WDR72: variants seen among roughly 807,000 people sequenced by gnomAD.
WDR72 encodes the protein WD repeat-containing protein 72.
In WDR72, 120 loss-of-function variants were observed where a neutral mutation model predicts 124.2. The observed-to-expected ratio is 0.97, with a 90% CI of 0.83 to 1.12. WDR72 has a LOEUF of 1.12. WDR72 is among the 50% of genes most tolerant of loss of function. WDR72 has a pLI of 0.00. For missense variants in WDR72, 1,387 were observed against 1,278.8 expected (o/e 1.08, Z -1.29); for synonymous variants, 452 against 441.7 (o/e 1.02, Z -0.29).
intron 18 of WDR72, among the ~76,000 whole-genome samples, chr15:53,538,145 G>A (rs1892860777): frequency 6.6e-6 from 1 of 152,110 alleles, no homozygotes; most frequent in Non-Finnish European, 1.5e-5. Context: ...TGGAAATGAT[G>A]ATATGGTGAT....
chr15:53,691,036 C>T (rs1339787859), intron 13 of WDR72, among the ~76,000 whole-genome samples: 1 of 152,000 alleles, frequency 6.6e-6, no homozygotes, highest in Non-Finnish European at 1.5e-5. Context: ...CTTTGATTTG[C>T]ATTTCCCTGA....
chr15:53,567,058 G>A (rs1894325749), intron 18 of WDR72, among the ~76,000 whole-genome samples: 2 of 152,028 alleles, frequency 1.3e-5, no homozygotes, highest in East Asian at 3.9e-4. Context: ...TGATTCCTGT[G>A]TACCTGACAT....
In WDR72 at chr15:53,543,081, T is replaced by C. The variant is rs868593976; in HGVS notation, c.3149-19759A>G. 2.8e-5 allele frequency among the ~76,000 whole-genome samples: 4 copies of C among 144,542 alleles called. No individual in the cohort carries two copies. In the Middle Eastern group the frequency reaches 0.011, roughly 390 times the overall value. 94.8% of individuals were successfully genotyped at this position (144,542 alleles called of 152,430 possible). Reference sequence around the variant, plus strand: ...CACCCCACTGTCAACATTAGACAGATCAACGAGACAGAAAGTCAACAAGGA... The same window carrying C: ...CACCCCACTGTCAACATTAGACAGACCAACGAGACAGAAAGTCAACAAGGA... On this transcript the variant is annotated intron_variant, in intron 18 of 19. Transcript: ENST00000360509.
At chr15:53,614,713 C>G (rs1470835874) in intron 15 of WDR72, among the ~76,000 whole-genome samples, 1 of 151,956 alleles carries the variant, frequency 6.6e-6, no homozygotes, top group Non-Finnish European at 1.5e-5. Context: ...ACCAATAAAT[C>G]AAACTGGTTA....
intron 14 of WDR72, among the ~76,000 whole-genome samples, chr15:53,663,710 T>G (rs541700405): frequency 6.6e-6 from 1 of 152,232 alleles, no homozygotes; most frequent in South Asian, 2.1e-4. Context: ...CACTATAAGA[T>G]GCTAACTCTG....
At chr15:53,711,233 T>C (rs2017526864) in intron 8 of WDR72, 103 bp downstream of exon 8, 11 of 1,554,984 alleles carry the variant, frequency 7.1e-6, no homozygotes, top group Non-Finnish European at 9.7e-6. Context: ...TGTTTTGTTC[T>C]GGTTTTTGAT....
chr15:53,514,686 G>C lies in WDR72; in HGVS notation c.*3013C>G, dbSNP rs1033512384. ...ATAGTAACAGAATGTTTGATACCTG[G>C]GGCTACTTTTTAACTGTGTGTTTCT... On this transcript the variant is annotated 3_prime_UTR_variant, in exon 20 of 20. Coordinates refer to ENST00000360509, the MANE Select transcript of WDR72 (RefSeq NM_182758.4). 6.6e-6 allele frequency: 1 copy of C among 151,858 alleles called. No individual in the cohort carries two copies. Among genetic ancestry groups the C allele is most frequent in the Non-Finnish European group, 1.5e-5 (1 of 67,966 alleles). 9.4% of individuals were successfully genotyped at this position (151,858 alleles called of 1,614,324 possible).
At chr15:53,714,619 T>A in intron 5 of WDR72, 109 bp from the exon 6 acceptor site, 1 of 831,756 alleles carries the variant, frequency 1.2e-6, no homozygotes, top group Non-Finnish European at 2.0e-6. Context: ...AGATAGAAAA[T>A]TTTCAGCTTT....
chr15:53,704,756 T>C lies in WDR72; in HGVS notation c.1348+232A>G, dbSNP rs1423595544. Among the ~76,000 whole-genome samples the C allele has an allele frequency of 1.1e-4, 15 of 141,734 alleles. No individual in the cohort carries two copies. In the Admixed American group the frequency reaches 1.1e-3, roughly 10 times the overall value. The allele number at this position is 141,734 out of a possible 152,430, so 93.0% of individuals were successfully genotyped here. A position where few individuals can be genotyped will look rare whatever the true frequency, so the allele number is the denominator to read the frequency against. On this transcript the variant is annotated intron_variant, in intron 11 of 19. Transcript: ENST00000360509. ...ACCGTGTTAGCCAGGATGGTCTCGATCTCCTGACCTCGTGATCCGCCCGCC... is the reference window on the plus strand; with the variant it reads ...ACCGTGTTAGCCAGGATGGTCTCGACCTCCTGACCTCGTGATCCGCCCGCC...
At chr15:53,641,198 A>C (rs1395961163) in intron 14 of WDR72, among the ~76,000 whole-genome samples, 1 of 152,098 alleles carries the variant, frequency 6.6e-6, no homozygotes, top group Non-Finnish European at 1.5e-5. Context: ...TCAGTTATAC[A>C]AAAGCCTTTT....
intron 18 of WDR72, among the ~76,000 whole-genome samples, chr15:53,566,874 C>T (rs1894318338): frequency 6.6e-6 from 1 of 151,984 alleles, no homozygotes; most frequent in South Asian, 2.1e-4. Context: ...GAATAGGTTA[C>T]TGGAACATAC....
At position 53,551,855 on chromosome 15, in the gene WDR72, GAC is replaced by G. The variant is rs148675620; in HGVS notation, c.3149-28535_3149-28534del. ...TATGGAAGACGACTTAGAATACACAGACACACACACACACACACACAAACACA... is the reference window on the plus strand; with the variant it reads ...TATGGAAGACGACTTAGAATACACAGACACACACACACACACACAAACACA... On this transcript the variant is annotated intron_variant, in intron 18 of 19. Transcript: ENST00000360509. Among the ~76,000 whole-genome samples the G allele has an allele frequency of 1.3e-3, 200 of 149,216 alleles. 1 individual carries two copies. The highest frequency in any genetic ancestry group is 8.4e-4 in the Non-Finnish European group (56 of 66,956).
intron 13 of WDR72, among the ~76,000 whole-genome samples, chr15:53,693,195 T>C (rs894013790): frequency 6.6e-6 from 1 of 152,222 alleles, no homozygotes; most frequent in African/African-American, 2.4e-5. Context: ...GTCACTAGTG[T>C]AATTTTTAAT....
chr15:53,666,817 T>G (rs1054985812), intron 13 of WDR72, among the ~76,000 whole-genome samples: 26 of 152,178 alleles, frequency 1.7e-4, no homozygotes, highest in African/African-American at 6.0e-4. Context: ...GACTATTCTA[T>G]CCTTCCTCAT....
At chr15:53,566,926 T>C (rs552630671) in intron 18 of WDR72, among the ~76,000 whole-genome samples, 16 of 152,016 alleles carry the variant, frequency 1.1e-4, no homozygotes, top group South Asian at 2.1e-4. Flanking sequence ...CTGGGGCAAA[T>C]AGCTTTCTCT....
rs557238283 is a variant in WDR72, at chr15:53,531,296, G to A, written c.3149-7974C>T. Among the ~76,000 whole-genome samples the A allele has an allele frequency of 4.4e-5, 6 of 136,048 alleles. No homozygotes were observed. In the South Asian group the frequency reaches 7.1e-4, roughly 16 times the overall value. The allele number at this position is 136,048 out of a possible 152,430, so 89.3% of individuals were successfully genotyped here. On this transcript the variant is annotated intron_variant, in intron 18 of 19. Coordinates refer to ENST00000360509, the MANE Select transcript of WDR72 (RefSeq NM_182758.4). Reference sequence around the variant, plus strand: ...AAGTATTTTACAACTATATGATAACGCAATCAGTAGTGAGTATCACTTTCT... The same window carrying A: ...AAGTATTTTACAACTATATGATAACACAATCAGTAGTGAGTATCACTTTCT...
chr15:53,682,546 A>C (rs1200833477), intron 13 of WDR72, among the ~76,000 whole-genome samples: 1 of 152,062 alleles, frequency 6.6e-6, no homozygotes, highest in Non-Finnish European at 1.5e-5. Flanking sequence ...TCACGGATGC[A>C]TAAAACTGAA....
At chr15:53,636,848 GATTT>G (rs1282440264) in intron 14 of WDR72, among the ~76,000 whole-genome samples, 1 of 152,096 alleles carries the variant, frequency 6.6e-6, no homozygotes, top group Non-Finnish European at 1.5e-5. Context: ...ATGTTTTAAT[GATTT>G]ATTTCTTTTC....
In WDR72 at chr15:53,654,460, TATA is replaced by T. The variant is rs1330834997; in HGVS notation, c.1962+11109_1962+11111del. Among the ~76,000 whole-genome samples the T allele has an allele frequency of 2.6e-5, 4 of 152,276 alleles. No homozygotes were observed. In the East Asian group the frequency reaches 7.7e-4, roughly 29 times the overall value. On this transcript the variant is annotated intron_variant, in intron 14 of 19. Coordinates refer to ENST00000360509, the MANE Select transcript of WDR72 (RefSeq NM_182758.4). ...GTTACAAAACTGAAGTCTGATAAAATATAATAACTCAATGTTTTAAAATACAAG... is the reference window on the plus strand; with the variant it reads ...GTTACAAAACTGAAGTCTGATAAAATATAACTCAATGTTTTAAAATACAAG...
Sources: gnomAD v4.1 joint callset for allele counts (sites outside exome capture counted in the v4.1 genomes callset) on GRCh38, gnomAD v4.1.1 for gene constraint, MANE v1.5 for transcripts, NCBI Gene and HGNC (gene_info 2026-07-23, HGNC 2026-07-21) for gene names.